NOL4: variants seen among roughly 807,000 people sequenced by gnomAD.
The protein encoded by NOL4 is nucleolar protein 4.
In NOL4, 17 loss-of-function variants were observed where a neutral mutation model predicts 75.9. The observed-to-expected ratio is 0.22, with a 90% CI of 0.15 to 0.34. The LOEUF is 0.34. NOL4 is among the 10% of genes least tolerant of loss of function. NOL4 has a pLI of 1.00. For missense variants in NOL4, 614 were observed against 793.5 expected, an observed-to-expected ratio of 0.77 and a Z score of 2.72; for synonymous variants, 292 against 289.9, an observed-to-expected ratio of 1.01 and a Z score of -0.07.
At chr18:33,910,579 C>G (rs2066337233) in intron 9 of NOL4, among the ~76,000 whole-genome samples, 1 of 152,050 alleles carries the variant, frequency 6.6e-6, no homozygotes, top group Non-Finnish European at 1.5e-5. Context: ...CCCTAACCCA[C>G]CCCACGCCTA....
chr18:34,072,671 T>C (rs998097268), intron 5 of NOL4, among the ~76,000 whole-genome samples: 2 of 152,156 alleles, frequency 1.3e-5, no homozygotes, highest in African/African-American at 4.8e-5. Flanking sequence ...GCACGAACAT[T>C]TACCAAGTCA....
chr18:33,873,052 T>C (rs1250744212), intron 10 of NOL4, among the ~76,000 whole-genome samples: 1 of 151,954 alleles, frequency 6.6e-6, no homozygotes. Flanking sequence ...ATATAATAAC[T>C]GCATAATTCC....
At chr18:34,128,280 C>A (rs1037661802) in intron 2 of NOL4, among the ~76,000 whole-genome samples, 5 of 151,806 alleles carry the variant, frequency 3.3e-5, no homozygotes, top group Non-Finnish European at 7.4e-5. Flanking sequence ...GACAACGAAA[C>A]CACTTGATTT....
chr18:34,024,190 A>ATATATATATATATATATAT (rs1322401512), intron 5 of NOL4, among the ~76,000 whole-genome samples: 9 of 69,660 alleles, frequency 1.3e-4, no homozygotes, highest in Non-Finnish European at 9.9e-5. Flanking sequence ...GGAAAAAAAA[A>ATATATATATATATATATAT]AAAAATATAT....
At chr18:34,147,771 G>C (rs2081468289) in intron 1 of NOL4, among the ~76,000 whole-genome samples, 1 of 151,996 alleles carries the variant, frequency 6.6e-6, no homozygotes, top group Non-Finnish European at 1.5e-5. Flanking sequence ...CTATTGTTTG[G>C]AATAGTTTCA....
chr18:34,223,391 G>C lies in NOL4; in HGVS notation c.-138C>G, dbSNP rs1445840996. ...CGCAGCGGGAGCCTGCTTTGGGTGG[G>C]GGAAGGGATGGGAAGAGGGGAGGAG... is the stretch of plus-strand genomic sequence containing the variant. On this transcript the variant is annotated 5_prime_UTR_variant, in exon 1 of 11. Transcript: ENST00000261592. 5.0e-6 allele frequency: 6 copies of C among 1,204,208 alleles called. No homozygotes were observed. Among genetic ancestry groups the C allele is most frequent in the African/African-American group, 1.5e-5 (1 of 65,894 alleles). The allele number at this position is 1,204,208 out of a possible 1,614,324, so 74.6% of individuals were successfully genotyped here.
chr18:34,068,777 A>G (rs1238788360), intron 5 of NOL4, among the ~76,000 whole-genome samples: 1 of 152,206 alleles, frequency 6.6e-6, no homozygotes, highest in African/African-American at 2.4e-5. Flanking sequence ...GTGAATAACC[A>G]TATCTGGAAT....
Position 34,081,209 on chromosome 18 carries a change from T to A in NOL4, c.772+12256A>T, listed in dbSNP as rs544402232. Among the ~76,000 whole-genome samples the A allele has an allele frequency of 2.6e-5, 4 of 152,284 alleles. No homozygotes were observed. The East Asian group carries it at 7.7e-4, about 29-fold the overall frequency. ...AAGTACTTTTAATGAATGTTATTGGTCTAGTTTCTTTATTTCCACAAATGC... is the reference window on the plus strand; with the variant it reads ...AAGTACTTTTAATGAATGTTATTGGACTAGTTTCTTTATTTCCACAAATGC... On this transcript the variant is annotated intron_variant, in intron 5 of 10. Coordinates refer to ENST00000261592, the MANE Select transcript of NOL4 (RefSeq NM_003787.5).
At chr18:34,000,249 G>A (rs2073602479) in intron 6 of NOL4, among the ~76,000 whole-genome samples, 1 of 152,010 alleles carries the variant, frequency 6.6e-6, no homozygotes, top group African/African-American at 2.4e-5. Context: ...ACCTGCTCAG[G>A]AGCTGGCCAG....
In NOL4 at chr18:34,147,858, G is replaced by T. The variant is rs28787640; in HGVS notation, c.265-17838C>A. Among the ~76,000 whole-genome samples the T allele has an allele frequency of 1.3e-3, 205 of 152,072 alleles. 1 individual carries two copies. The highest frequency in any genetic ancestry group is 4.7e-3 in the African/African-American group (197 of 41,550). On this transcript the variant is annotated intron_variant, in intron 1 of 10. Transcript: ENST00000261592. ...ATCCATCTGATCCTGGGTCTTTTTG[G>T]TTGGTAGGCTATTAATTACTGCCTC...
intron 1 of NOL4, among the ~76,000 whole-genome samples, chr18:34,215,595 G>A (rs1016954693): frequency 6.6e-6 from 1 of 152,110 alleles, no homozygotes; most frequent in Non-Finnish European, 1.5e-5. Flanking sequence ...CATGGAGAGA[G>A]GGAATAAGAA....
chr18:34,072,453 C>G (rs1232800416), intron 5 of NOL4, among the ~76,000 whole-genome samples: 7 of 151,756 alleles, frequency 4.6e-5, no homozygotes, highest in Admixed American at 3.3e-4. Flanking sequence ...ATACATGAAG[C>G]AAAAATGGAG....
At chr18:34,196,036 C>T (rs1484807554) in intron 1 of NOL4, among the ~76,000 whole-genome samples, 1 of 151,982 alleles carries the variant, frequency 6.6e-6, no homozygotes, top group Non-Finnish European at 1.5e-5. Context: ...ACTAATAAAT[C>T]TCATTTTCTG....
chr18:33,886,699 T>C (rs185906121), intron 9 of NOL4, among the ~76,000 whole-genome samples: 184 of 147,620 alleles, frequency 1.2e-3, no homozygotes, highest in African/African-American at 4.1e-3. Context: ...GCTAGCCCAT[T>C]CTCCATGATA....
chr18:34,101,276 C>A (rs2079032186), intron 4 of NOL4, among the ~76,000 whole-genome samples: 3 of 152,200 alleles, frequency 2.0e-5, no homozygotes, highest in Admixed American at 2.0e-4. Context: ...TCAGGTGTTT[C>A]TCTTCCATGG....
intron 6 of NOL4, among the ~76,000 whole-genome samples, chr18:34,015,295 T>G (rs1048026978): frequency 6.6e-6 from 1 of 152,066 alleles, no homozygotes; most frequent in Non-Finnish European, 1.5e-5. Flanking sequence ...CCTCTATAAC[T>G]GTCTTCAATC....
intron 5 of NOL4, among the ~76,000 whole-genome samples, chr18:34,049,438 C>G (rs1721530741): frequency 6.6e-6 from 1 of 151,912 alleles, no homozygotes; most frequent in Non-Finnish European, 1.5e-5. Context: ...TGATAGTATA[C>G]TGTAATAGTT....
chr18:33,916,929 G>A (rs1374571162), intron 9 of NOL4, among the ~76,000 whole-genome samples: 1 of 152,096 alleles, frequency 6.6e-6, no homozygotes, highest in Non-Finnish European at 1.5e-5. Flanking sequence ...AGCAATCAAA[G>A]TGAAAAACAA....
rs1327689037 is a variant in NOL4, at chr18:33,852,793, T to G, written c.*49A>C. Reference sequence around the variant, plus strand: ...CTCTGTTGGGAAATCAAAATGTCATTAGTGGAAACTGCAAATTTAGACCTC... The same window carrying G: ...CTCTGTTGGGAAATCAAAATGTCATGAGTGGAAACTGCAAATTTAGACCTC... On this transcript the variant is annotated 3_prime_UTR_variant, in exon 11 of 11. Coordinates refer to ENST00000261592, the MANE Select transcript of NOL4 (RefSeq NM_003787.5). 1 of 1,500,028 alleles carries G rather than the reference T, an allele frequency of 6.7e-7. No individual in the cohort carries two copies. Among genetic ancestry groups the G allele is most frequent in the East Asian group, 2.3e-5 (1 of 44,086 alleles). The allele number at this position is 1,500,028 out of a possible 1,614,324, so 92.9% of individuals were successfully genotyped here. A position where few individuals can be genotyped will look rare whatever the true frequency, so the allele number is the denominator to read the frequency against.
Sources: allele counts gnomAD v4.1 joint callset (sites outside exome capture counted in the v4.1 genomes callset), GRCh38; gene constraint gnomAD v4.1.1; transcripts MANE v1.5; gene names NCBI Gene and HGNC (gene_info 2026-07-23, HGNC 2026-07-21).